IQUB: variants seen among roughly 807,000 people sequenced by gnomAD.
The protein encoded by IQUB is IQ motif and ubiquitin-like domain-containing protein.
In IQUB, 86 loss-of-function variants were observed where a neutral mutation model predicts 86.4. The observed-to-expected ratio is 1.00, with a 90% CI of 0.84 to 1.19. IQUB has a LOEUF of 1.19. Ranked by LOEUF, IQUB falls within the 50% of genes most tolerant of loss-of-function variation. IQUB has a pLI of 0.00. For synonymous variants in IQUB, 289 were observed against 304.5 expected (o/e 0.95, Z 0.53); for missense variants, 946 against 916.9 (o/e 1.03, Z -0.41).
At chr7:123,517,312 A>G (rs531531558) in intron 1 of IQUB, among the ~76,000 whole-genome samples, 21 of 151,992 alleles carry the variant, frequency 1.4e-4, no homozygotes, top group African/African-American at 4.6e-4. Context: ...CGGGTGGATC[A>G]CGAGGTCAGG....
intron 1 of IQUB, among the ~76,000 whole-genome samples, chr7:123,528,884 G>A (rs937587897): frequency 7.2e-5 from 11 of 152,048 alleles, no homozygotes; most frequent in Admixed American, 3.3e-4. Flanking sequence ...CCCCTCATAT[G>A]TACATATTAA....
intron 1 of IQUB, among the ~76,000 whole-genome samples, chr7:123,520,474 T>C (rs751423854): frequency 6.6e-6 from 1 of 152,082 alleles, no homozygotes; most frequent in Non-Finnish European, 1.5e-5. Context: ...GCTAAGTATA[T>C]GTGTGGGGAA....
intron 11 of IQUB, among the ~76,000 whole-genome samples, chr7:123,458,428 C>T (rs886627283): frequency 6.6e-6 from 1 of 151,888 alleles, no homozygotes; most frequent in African/African-American, 2.4e-5. Flanking sequence ...ACAAAAAGAA[C>T]CTGTCATCAT....
chr7:123,484,131 C>T (rs1335043099), intron 7 of IQUB, among the ~76,000 whole-genome samples: 2 of 151,960 alleles, frequency 1.3e-5, no homozygotes, highest in East Asian at 1.9e-4. Flanking sequence ...TAAAAGAATC[C>T]GCTCTGTCCT....
At chr7:123,461,678 G>C in intron 10 of IQUB, 73 bp from the exon 11 acceptor site, 1 of 1,300,412 alleles carries the variant, frequency 7.7e-7, no homozygotes, top group Non-Finnish European at 1.0e-6. Context: ...CTAACCAATG[G>C]AAGCATCAAA....
At chr7:123,466,051 G>A (rs1794246147) in intron 9 of IQUB, among the ~76,000 whole-genome samples, 2 of 151,858 alleles carry the variant, frequency 1.3e-5, no homozygotes. Flanking sequence ...ACTATATTAA[G>A]TTTTTATGTT....
At position 123,499,456 on chromosome 7, in the gene IQUB, G is replaced by A. The variant is rs562872855; in HGVS notation, c.1024-2550C>T. Among the ~76,000 whole-genome samples the A allele has an allele frequency of 9.2e-5, 14 of 152,266 alleles. No homozygotes were observed. The South Asian group carries it at 1.0e-3, about 11-fold the overall frequency. On this transcript the variant is annotated intron_variant, in intron 6 of 12. Transcript: ENST00000324698. ...ATAAGTTCCAGATAAAATAAGGAAA[G>A]TTGATTACAGAAATTCATAAAAACA...
At chr7:123,467,415 A>G (rs970870244) in intron 9 of IQUB, among the ~76,000 whole-genome samples, 1 of 152,144 alleles carries the variant, frequency 6.6e-6, no homozygotes, top group Non-Finnish European at 1.5e-5. Context: ...TCTTGCCTAC[A>G]GATAGACAGC....
rs566819345 is a variant in IQUB, at chr7:123,496,766, T to C, written c.1164A>G (p.Lys388=). Residue 388 remains lysine, a synonymous_variant, in exon 7 of 13, where the codon AAA becomes AAG. Transcript: ENST00000324698. ...GATTATGCCTCCGGTGATAGTCCAA[T>C]TTTATCCATTCTTCTTTTTCTCTTA... ...RKIREKEEWI[K]LDYHRRHNPK... 1 of 1,611,958 alleles carries C rather than the reference T, an allele frequency of 6.2e-7. No individual in the cohort carries two copies. The highest frequency in any genetic ancestry group is 1.1e-5 in the South Asian group (1 of 90,982).
intron 7 of IQUB, among the ~76,000 whole-genome samples, chr7:123,495,339 A>T (rs1389561990): frequency 6.6e-6 from 1 of 152,044 alleles, no homozygotes; most frequent in Non-Finnish European, 1.5e-5. Context: ...TATTAGCCCT[A>T]ATGTTTAATT....
intron 2 of IQUB, 56 bp downstream of exon 2, chr7:123,511,888 A>C (rs1796430034): frequency 3.0e-6 from 4 of 1,323,944 alleles, no homozygotes; most frequent in Non-Finnish European, 4.1e-6. Context: ...CAACAAGAAA[A>C]CGCATTCATT....
At chr7:123,464,750 A>T in intron 10 of IQUB, 83 bp downstream of exon 10, 1 of 887,150 alleles carries the variant, frequency 1.1e-6, no homozygotes, top group Non-Finnish European at 1.7e-6. Context: ...GTAAAGTGTT[A>T]AAGCAAAATT....
chr7:123,507,706 C>A (rs1044518217), intron 3 of IQUB, among the ~76,000 whole-genome samples: 2 of 151,998 alleles, frequency 1.3e-5, no homozygotes, highest in Admixed American at 6.6e-5. Context: ...AACCCTGTCT[C>A]TACTAAAAAT....
intron 8 of IQUB, among the ~76,000 whole-genome samples, chr7:123,479,201 A>G (rs1794888527): frequency 6.6e-6 from 1 of 152,166 alleles, no homozygotes; most frequent in African/African-American, 2.4e-5. Context: ...TTTATAAAAG[A>G]AAATTGGTCA....
intron 6 of IQUB, among the ~76,000 whole-genome samples, chr7:123,498,609 C>T (rs139357093): frequency 3.9e-5 from 6 of 152,246 alleles, no homozygotes; most frequent in Admixed American, 1.3e-4. Flanking sequence ...ACATGACAAT[C>T]CAGGGATTAG....
intron 7 of IQUB, among the ~76,000 whole-genome samples, chr7:123,483,393 TGAA>T (rs1795089106): frequency 2.6e-5 from 4 of 152,104 alleles, no homozygotes; most frequent in Admixed American, 2.6e-4. Flanking sequence ...ATGAGAATAA[TGAA>T]GCTTTACAGT....
chr7:123,473,896 AT>A (rs1794646934), intron 8 of IQUB, among the ~76,000 whole-genome samples: 1 of 152,032 alleles, frequency 6.6e-6, no homozygotes, highest in African/African-American at 2.4e-5. Flanking sequence ...AGTTTTTAAT[AT>A]TTGATACTCT....
At chr7:123,454,998 G>C (rs897324201) in intron 12 of IQUB, among the ~76,000 whole-genome samples, 2 of 152,120 alleles carry the variant, frequency 1.3e-5, no homozygotes, top group Admixed American at 1.3e-4. Flanking sequence ...AAAGGGTAGA[G>C]AGTTATTCTC....
At position 123,469,261 on chromosome 7, in the gene IQUB, G is replaced by T; in HGVS notation, c.1534C>A (p.Gln512Lys). Residue 512 changes from glutamine (Q) to lysine (K), a missense_variant, in exon 9 of 13, where the codon CAA becomes AAA. Transcript: ENST00000324698. ...AACAGCACATCCAGCCTCTCATCTT[G>T]GGAGATATTTTTCAGCATAATGCAC... ...YKCIMLKNISQDERLDVLLTL... is the reference protein window; with the variant it reads ...YKCIMLKNISKDERLDVLLTL... The T allele has an allele frequency of 6.2e-7, 1 of 1,606,092 alleles. No individual in the cohort carries two copies. Among genetic ancestry groups the T allele is most frequent in the Non-Finnish European group, 8.5e-7 (1 of 1,176,342 alleles).
Sources: allele counts gnomAD v4.1 joint callset (sites outside exome capture counted in the v4.1 genomes callset), GRCh38; gene constraint gnomAD v4.1.1; transcripts MANE v1.5; gene names NCBI Gene and HGNC (gene_info 2026-07-23, HGNC 2026-07-21).